Variants in GCNT1 observed in about 807,000 individuals in gnomAD.
GCNT1 encodes the protein beta-1,3-galactosyl-O-glycosyl-glycoprotein beta-1,6-N-acetylglucosaminyltransferase.
Under a neutral mutation model 26.2 loss-of-function variants are expected in GCNT1, and 16 were observed. The ratio of observed to expected loss-of-function variants is 0.61; its 90% confidence interval spans 0.41 to 0.93. The LOEUF (loss-of-function observed/expected upper bound fraction) is 0.93. Among genes scored for constraint, GCNT1 ranks in the 40% least tolerant of loss-of-function variants. The pLI, the probability that GCNT1 is intolerant of heterozygous loss-of-function variation, is 0.00. For missense variants in GCNT1, 477 were observed against 526.7 expected, an observed-to-expected ratio of 0.91 and a Z score of 0.92; for synonymous variants, 183 against 190.8, an observed-to-expected ratio of 0.96 and a Z score of 0.34.
intron 1 of GCNT1, among the ~76,000 whole-genome samples, chr9:76,427,500 AG>A (rs1174974786): frequency 2.0e-5 from 3 of 152,118 alleles, no homozygotes; most frequent in African/African-American, 4.8e-5. Flanking sequence ...TACTTCTGAC[AG>A]GGGTATAAAT....
intron 1 of GCNT1, among the ~76,000 whole-genome samples, chr9:76,446,096 A>G (rs764725722): frequency 3.9e-5 from 6 of 152,170 alleles, no homozygotes; most frequent in Admixed American, 3.9e-4. Context: ...AATTGGAACA[A>G]TTTCTCTGTG....
At position 76,503,216 on chromosome 9, in the gene GCNT1, G is replaced by A. The variant is rs656106; in HGVS notation, c.835G>A (p.Glu279Lys). Residue 279 changes from glutamate (E) to lysine (K), a missense_variant, in exon 4 of 4, where the codon GAA becomes AAA. Physicochemically the swap from Glu to Lys is moderately conservative, Grantham distance 56 (BLOSUM62 1). Transcript: ENST00000376730. ...TGTVKMLPPL[E>K]TPLFSGSAYF... ...GACTGTCAAAATGCTTCCTCCACTC[G>A]AAACACCTCTCTTTTCTGGCAGTGC... is the stretch of plus-strand genomic sequence containing the variant. 5.0e-6 allele frequency: 8 copies of A among 1,614,138 alleles called. No homozygotes were observed. In the East Asian group the frequency reaches 1.1e-4, roughly 22 times the overall value.
At chr9:76,472,764 TTTGAGATG>T (rs1824166318) in intron 2 of GCNT1, among the ~76,000 whole-genome samples, 2 of 134,600 alleles carry the variant, frequency 1.5e-5, no homozygotes, top group African/African-American at 5.9e-5. Context: ...TTTTTTTTTT[TTTGAGATG>T]GAGTCTCGCT....
chr9:76,479,018 C>G (rs1479181677), intron 2 of GCNT1, among the ~76,000 whole-genome samples: 1 of 152,060 alleles, frequency 6.6e-6, no homozygotes, highest in Non-Finnish European at 1.5e-5. Context: ...TCCCCCCACC[C>G]CACAACAGGC....
intron 1 of GCNT1, among the ~76,000 whole-genome samples, chr9:76,423,066 T>A (rs1266989048): frequency 6.6e-6 from 1 of 152,236 alleles, no homozygotes; most frequent in African/African-American, 2.4e-5. Context: ...TATTTTCAAT[T>A]TATGATGGAT....
At position 76,465,860 on chromosome 9, in the gene GCNT1, T is replaced by A. The variant is rs1388503096; in HGVS notation, c.-290+5683T>A. On this transcript the variant is annotated intron_variant, in intron 2 of 3. Transcript: ENST00000376730. ...AAGGATGATTCAAAAGTTTCTGGCA[T>A]AAACAACTGAGTAGGATGGGATGGT... Among the ~76,000 whole-genome samples the A allele has an allele frequency of 1.8e-4, 28 of 152,182 alleles. 1 individual carries two copies. The highest frequency in any genetic ancestry group is 1.8e-3 in the Admixed American group (28 of 15,278).
At position 76,428,092 on chromosome 9, in the gene GCNT1, C is replaced by G. The variant is rs1823279709; in HGVS notation, n.38+8205C>G. ...CCATCCTGGCTAATACGGTGAAACC[C>G]CATCTCTACTAAAAATACAAAAAAT... On this transcript the variant is annotated intron_variant and non_coding_transcript_variant, in intron 1 of 3. Coordinates refer to the GCNT1 transcript ENST00000488136. Among the ~76,000 whole-genome samples the G allele has an allele frequency of 2.0e-5, 3 of 151,548 alleles. No individual in the cohort carries two copies. In the South Asian group the frequency reaches 6.2e-4, roughly 32 times the overall value.
At chr9:76,458,593 A>G (rs1823801989), upstream of GCNT1, among the ~76,000 whole-genome samples, 1 of 152,192 alleles carries the variant, frequency 6.6e-6, no homozygotes, top group Non-Finnish European at 1.5e-5. Context: ...TACAAAGAGA[A>G]CTGTGTCAAC....
chr9:76,419,389 G>A (rs1823162225), upstream of GCNT1, among the ~76,000 whole-genome samples: 1 of 152,214 alleles, frequency 6.6e-6, no homozygotes, highest in Non-Finnish European at 1.5e-5. Flanking sequence ...TAAAGTGTAA[G>A]CTGGGCGTAG....
Position 76,446,353 on chromosome 9 carries a change from G to A in GCNT1, c.-290+4038G>A, listed in dbSNP as rs563767935. Reference sequence around the variant, plus strand: ...TGGGAGCCAGCACACAGCACCCAGGGAAGTTTGCCCTTGTGGAAAAGACGG... The same window carrying A: ...TGGGAGCCAGCACACAGCACCCAGGAAAGTTTGCCCTTGTGGAAAAGACGG... On this transcript the variant is annotated intron_variant, in intron 1 of 2. Transcript: ENST00000442371. Among the ~76,000 whole-genome samples the A allele has an allele frequency of 1.5e-4, 23 of 152,224 alleles. No homozygotes were observed. In the East Asian group the frequency reaches 4.4e-3, roughly 29 times the overall value.
At chr9:76,449,625 G>T (rs949337769) in intron 1 of GCNT1, among the ~76,000 whole-genome samples, 13 of 152,088 alleles carry the variant, frequency 8.5e-5, no homozygotes, top group African/African-American at 2.9e-4. Flanking sequence ...CCAGAGAAGC[G>T]CAGCCTCTCC....
At chr9:76,484,369 TAAAA>T (rs538164343) in intron 2 of GCNT1, among the ~76,000 whole-genome samples, 2 of 139,794 alleles carry the variant, frequency 1.4e-5, no homozygotes, top group Non-Finnish European at 3.1e-5. Flanking sequence ...GACCCTGTCT[TAAAA>T]AAAAAAAAAA....
chr9:76,495,586 T>G (rs1327413545), intron 2 of GCNT1, among the ~76,000 whole-genome samples: 1 of 152,164 alleles, frequency 6.6e-6, no homozygotes, highest in Non-Finnish European at 1.5e-5. Flanking sequence ...TTTTACACAG[T>G]GCTGATTGGT....
At chr9:76,425,744 G>A (rs1051997199) in intron 1 of GCNT1, among the ~76,000 whole-genome samples, 2 of 152,094 alleles carry the variant, frequency 1.3e-5, no homozygotes, top group Non-Finnish European at 2.9e-5. Flanking sequence ...TTAGAGATGG[G>A]GGTTTTTAAG....
At chr9:76,441,188 C>G (rs530833132), upstream of GCNT1, among the ~76,000 whole-genome samples, 3 of 152,214 alleles carry the variant, frequency 2.0e-5, no homozygotes, top group South Asian at 4.2e-4. Context: ...CTCTGTCACC[C>G]AGGCTGGAGT....
intron 2 of GCNT1, among the ~76,000 whole-genome samples, chr9:76,489,776 T>G (rs1180943890): frequency 6.6e-6 from 1 of 152,142 alleles, no homozygotes; most frequent in African/African-American, 2.4e-5. Flanking sequence ...CCAACTGCTG[T>G]TGGGAATTGG....
chr9:76,399,062 C>T, the GCNT1 span: 3 of 1,596,528 alleles, frequency 1.9e-6, no homozygotes, highest in South Asian at 2.2e-5. Flanking sequence ...GCCATGGCTT[C>T]TTGTGGTTAC....
chr9:76,437,461 AAG>A (rs1823425233), upstream of GCNT1, among the ~76,000 whole-genome samples: 1 of 152,202 alleles, frequency 6.6e-6, no homozygotes, highest in Admixed American at 6.5e-5. Flanking sequence ...CAACGTCAGG[AAG>A]TTACCTTATA....
At position 76,491,730 on chromosome 9, in the gene GCNT1, A is replaced by G. The variant is rs1824742665; in HGVS notation, c.-289-9186A>G. On this transcript the variant is annotated intron_variant, in intron 2 of 3. Coordinates refer to ENST00000376730, the MANE Select transcript of GCNT1 (RefSeq NM_001490.5). ...CTTCTAAGAGATCCTCTTGGGCAGC[A>G]TAAGTCTGGACAATAATTTGTTGGC... is the stretch of plus-strand genomic sequence containing the variant. 2.6e-5 allele frequency among the ~76,000 whole-genome samples: 4 copies of G among 152,222 alleles called. No individual in the cohort carries two copies. The South Asian group carries it at 8.3e-4, about 32-fold the overall frequency.
Sources: gnomAD v4.1 joint callset for allele counts (sites outside exome capture counted in the v4.1 genomes callset) on GRCh38, gnomAD v4.1.1 for gene constraint, MANE v1.5 for transcripts, NCBI Gene and HGNC (gene_info 2026-07-23, HGNC 2026-07-21) for gene names.